DYSF: variants seen among roughly 807,000 people sequenced by gnomAD.
DYSF encodes the protein dysferlin.
In DYSF, 212 loss-of-function variants were observed where a neutral mutation model predicts 274.9. The observed-to-expected ratio is 0.77, with a 90% CI of 0.69 to 0.86. The LOEUF (loss-of-function observed/expected upper bound fraction) is 0.86. DYSF is among the 40% of genes least tolerant of loss of function. DYSF has a pLI of 0.00. For synonymous variants in DYSF, 1,091 were observed against 1,078.7 expected, an observed-to-expected ratio of 1.01 and a Z score of -0.22; for missense variants, 2,666 against 2,783.2, an observed-to-expected ratio of 0.96 and a Z score of 0.95.
chr2:71,603,808 C>T (rs2093598012), intron 36 of DYSF, among the ~76,000 whole-genome samples: 1 of 152,130 alleles, frequency 6.6e-6, no homozygotes, highest in Non-Finnish European at 1.5e-5. Context: ...GTGGCCAAAA[C>T]CCACAGCCTG....
At chr2:71,478,314 C>G (rs144593220) in intron 1 of DYSF, among the ~76,000 whole-genome samples, 1 of 151,660 alleles carries the variant, frequency 6.6e-6, no homozygotes, top group Non-Finnish European at 1.5e-5. Flanking sequence ...TGGGTTCACG[C>G]CATTCTCCTG....
At chr2:71,503,430 G>A (rs2085187701) in intron 4 of DYSF, 111 bp downstream of exon 4, 1 of 1,127,132 alleles carries the variant, frequency 8.9e-7, no homozygotes, top group South Asian at 1.3e-5. Flanking sequence ...CAGCTCCCTT[G>A]AAGCAGGCCT....
At chr2:71,616,183 TG>T (rs1321366340) in intron 40 of DYSF, among the ~76,000 whole-genome samples, 1 of 152,168 alleles carries the variant, frequency 6.6e-6, no homozygotes, top group Non-Finnish European at 1.5e-5. Flanking sequence ...AGAAATGTTT[TG>T]GTTTGTGTCG....
intron 23 of DYSF, 41 bp from the exon 24 acceptor site, chr2:71,564,017 G>C (rs767831707): frequency 1.9e-6 from 3 of 1,612,620 alleles, no homozygotes; most frequent in Non-Finnish European, 2.5e-6. Flanking sequence ...CGTGGGCCTG[G>C]TGTGTCACCA....
At chr2:71,462,615 G>A (rs978895292), upstream of DYSF, among the ~76,000 whole-genome samples, 4 of 152,226 alleles carry the variant, frequency 2.6e-5, no homozygotes, top group African/African-American at 9.7e-5. Context: ...CAACTGGATG[G>A]TGAGCAAGGT....
intron 1 of DYSF, among the ~76,000 whole-genome samples, chr2:71,479,197 C>G (rs1422459396): frequency 6.6e-6 from 1 of 151,868 alleles, no homozygotes; most frequent in Admixed American, 6.6e-5. Flanking sequence ...AGGCTGAACC[C>G]TTTGAATTGT....
intron 41 of DYSF, among the ~76,000 whole-genome samples, chr2:71,621,980 T>C (rs1574421706): frequency 6.6e-6 from 1 of 152,154 alleles, no homozygotes; most frequent in Admixed American, 6.5e-5. Context: ...TCTTTAAAGA[T>C]ATGACTGCAT....
chr2:71,586,106 G>C (rs1053259879), intron 30 of DYSF, among the ~76,000 whole-genome samples: 1 of 152,100 alleles, frequency 6.6e-6, no homozygotes, highest in African/African-American at 2.4e-5. Flanking sequence ...AGGGAGGGGT[G>C]GCCTTCCCTC....
chr2:71,591,557 A>G (rs777918765), intron 32 of DYSF, among the ~76,000 whole-genome samples: 12 of 152,236 alleles, frequency 7.9e-5, no homozygotes, highest in Non-Finnish European at 1.5e-4. Flanking sequence ...CAACATCCCC[A>G]TTTTATAGGT....
At position 71,561,741 on chromosome 2, in the gene DYSF, G is replaced by C. The variant is rs200853014; in HGVS notation, c.2217-11G>C. On this transcript the variant is annotated splice_polypyrimidine_tract_variant and intron_variant, in intron 22 of 55. Coordinates refer to ENST00000410020, the MANE Select transcript of DYSF (RefSeq NM_001130987.2). ...CTCATCAGGCGCATTCCATCTGTCCGTCCCTCACAGCCAGCCTCTGGGTGA... is the reference window on the plus strand; with the variant it reads ...CTCATCAGGCGCATTCCATCTGTCCCTCCCTCACAGCCAGCCTCTGGGTGA... 1 of 1,613,986 alleles carries C rather than the reference G, an allele frequency of 6.2e-7. No homozygotes were observed. The highest frequency in any genetic ancestry group is 8.5e-7 in the Non-Finnish European group (1 of 1,180,002).
In DYSF at chr2:71,660,923, T is replaced by A. The variant is rs184508239; in HGVS notation, c.5003+272T>A. On this transcript the variant is annotated intron_variant, in intron 45 of 55. Coordinates refer to ENST00000410020, the MANE Select transcript of DYSF (RefSeq NM_001130987.2). ...CTTGAGCTCAGGAGTTTGAGACCAG[T>A]CTGGGCAACATAGCAAGACCCCATC... 1.4e-4 allele frequency among the ~76,000 whole-genome samples: 21 copies of A among 151,884 alleles called. No individual in the cohort carries two copies. The East Asian group carries it at 3.9e-3, about 28-fold the overall frequency.
At chr2:71,669,833 T>C in intron 51 of DYSF, 87 bp downstream of exon 51, 1 of 1,567,274 alleles carries the variant, frequency 6.4e-7, no homozygotes, top group Non-Finnish European at 8.8e-7. Context: ...GCCTGGCAAC[T>C]GTCACAATCT....
At chr2:71,460,032 G>A (rs2081221876) in intron 1 of DYSF, among the ~76,000 whole-genome samples, 1 of 152,158 alleles carries the variant, frequency 6.6e-6, no homozygotes, top group Admixed American at 6.5e-5. Context: ...GCCCTCACCT[G>A]AAGCCTCAGG....
chr2:71,664,352 A>G lies in DYSF; in HGVS notation c.5088A>G (p.Glu1696=). The stretch of plus-strand genomic sequence containing the variant: ...ACTATGACCTCCTCTCCAAGGACGA[A>G]AAGATCGGTGAGACGGTCGTCGACC... The part of the protein sequence containing the change: ...LYDYDLLSKD[E]KIGETVVDLE... The change falls in exon 46 of 56, where the codon GAA becomes GAG. Residue 1696 remains glutamate (E), a synonymous_variant. Coordinates refer to ENST00000410020, the MANE Select transcript of DYSF (RefSeq NM_001130987.2). The G allele has an allele frequency of 1.2e-6, 2 of 1,614,174 alleles. No homozygotes were observed. Among genetic ancestry groups the G allele is most frequent in the Non-Finnish European group, 8.5e-7 (1 of 1,180,024 alleles).
chr2:71,513,581 A>C, intron 6 of DYSF, 135 bp from the exon 7 acceptor site: 2 of 927,592 alleles, frequency 2.2e-6, no homozygotes, highest in East Asian at 2.6e-5. Flanking sequence ...ATGGGGAGGG[A>C]GGAGGGAGAG....
chr2:71,652,208 T>G (rs1306438191), intron 42 of DYSF, among the ~76,000 whole-genome samples: 2 of 152,214 alleles, frequency 1.3e-5, no homozygotes, highest in African/African-American at 4.8e-5. Context: ...GGGCAGTCCT[T>G]TCACAAAGAC....
intron 12 of DYSF, among the ~76,000 whole-genome samples, chr2:71,525,055 A>G (rs1032257780): frequency 1.3e-5 from 2 of 152,218 alleles, no homozygotes; most frequent in African/African-American, 4.8e-5. Flanking sequence ...ATTGGAATGC[A>G]CAGCAGTGGT....
chr2:71,573,459 C>T (rs375702591), intron 29 of DYSF, among the ~76,000 whole-genome samples: 36 of 152,174 alleles, frequency 2.4e-4, no homozygotes, highest in African/African-American at 8.2e-4. Context: ...CTCCCAGGAG[C>T]TGAATGGCAA....
intron 46 of DYSF, 45 bp from the exon 47 acceptor site, chr2:71,665,117 A>G: frequency 6.2e-7 from 1 of 1,611,476 alleles, no homozygotes. Flanking sequence ...TACCCTCATG[A>G]GTGTCCTTGA....
Sources: gnomAD v4.1 joint callset for allele counts (sites outside exome capture counted in the v4.1 genomes callset) on GRCh38, gnomAD v4.1.1 for gene constraint, MANE v1.5 for transcripts, NCBI Gene and HGNC (gene_info 2026-07-23, HGNC 2026-07-21) for gene names.